The following ADGRL2 variants were observed in gnomAD, a reference collection of about 807,000 sequenced individuals.
ADGRL2 encodes adhesion G protein-coupled receptor L2.
ADGRL2 carries 44 observed loss-of-function variants against 157.4 expected under a neutral mutation model. That is an observed-to-expected ratio of 0.28 (90% CI 0.22 to 0.36). The LOEUF is 0.36. Ranked by LOEUF, ADGRL2 falls within the 10% of genes least tolerant of loss-of-function variation. The pLI is 1.00. For missense variants in ADGRL2, 1,510 were observed against 1,768.9 expected (o/e 0.85, Z 2.63); for synonymous variants, 585 against 624.7 (o/e 0.94, Z 0.95).
At chr1:81,772,655 G>T (rs2086422510) in intron 2 of ADGRL2, among the ~76,000 whole-genome samples, 2 of 152,072 alleles carry the variant, frequency 1.3e-5, no homozygotes, top group Admixed American at 1.3e-4. Context: ...CTTGAACCCG[G>T]GAGGCAGAGG....
intron 1 of ADGRL2, among the ~76,000 whole-genome samples, chr1:81,741,870 C>A (rs929388418): frequency 1.3e-5 from 2 of 151,704 alleles, no homozygotes; most frequent in Non-Finnish European, 2.9e-5. Flanking sequence ...ATTGAACACA[C>A]AAAAGGAAAC....
intron 2 of ADGRL2, among the ~76,000 whole-genome samples, chr1:81,457,757 T>G (rs1000436450): frequency 6.6e-6 from 1 of 152,218 alleles, no homozygotes; most frequent in Admixed American, 6.5e-5. Flanking sequence ...TTTTCAGGAT[T>G]TCTTCTTCTG....
intron 2 of ADGRL2, among the ~76,000 whole-genome samples, chr1:81,494,350 C>T (rs1212965624): frequency 6.6e-6 from 1 of 152,146 alleles, no homozygotes; most frequent in Non-Finnish European, 1.5e-5. Flanking sequence ...GAGGCTCAGT[C>T]CCTTATCCTT....
At chr1:81,563,310 C>T (rs1021372510) in intron 2 of ADGRL2, among the ~76,000 whole-genome samples, 4 of 152,088 alleles carry the variant, frequency 2.6e-5, no homozygotes, top group Non-Finnish European at 5.9e-5. Context: ...TTTTATTGCT[C>T]TTCCTTGACA....
intron 3 of ADGRL2, among the ~76,000 whole-genome samples, chr1:81,679,148 A>C (rs2083056185): frequency 6.6e-6 from 1 of 152,148 alleles, no homozygotes; most frequent in Non-Finnish European, 1.5e-5. Context: ...AGAGAGTAGG[A>C]AAACTAACAG....
chr1:81,970,619 T>C lies in ADGRL2; in HGVS notation c.2954+85T>C. ...GCTGTCAGTGAGGGTCCCTGACAGA[T>C]TAAAATAGCATCTGAAAGCTTTATT... On this transcript the variant is annotated intron_variant, in intron 16 of 23. Coordinates refer to ENST00000686636, the MANE Select transcript of ADGRL2 (RefSeq NM_001366006.2). 3.2e-6 allele frequency: 3 copies of C among 944,194 alleles called. No individual in the cohort carries two copies. In the South Asian group the frequency reaches 4.5e-5, roughly 14 times the overall value. 58.5% of individuals were successfully genotyped at this position (944,194 alleles called of 1,614,324 possible).
At chr1:81,469,706 A>G (rs186146405) in intron 2 of ADGRL2, among the ~76,000 whole-genome samples, 2 of 152,244 alleles carry the variant, frequency 1.3e-5, no homozygotes, top group Admixed American at 6.5e-5. Flanking sequence ...GTGATTTTTT[A>G]TCTCATTATA....
chr1:81,656,092 A>T (rs1461873813), intron 3 of ADGRL2, among the ~76,000 whole-genome samples: 4 of 152,130 alleles, frequency 2.6e-5, no homozygotes, highest in Non-Finnish European at 5.9e-5. Flanking sequence ...ATGATATACT[A>T]TTGTCTTCTA....
At chr1:81,381,688 T>A (rs1444137966) in intron 1 of ADGRL2, among the ~76,000 whole-genome samples, 2 of 152,238 alleles carry the variant, frequency 1.3e-5, no homozygotes, top group Non-Finnish European at 2.9e-5. Flanking sequence ...GTTATTTATG[T>A]TCTTCTAATA....
At chr1:81,820,306 A>T (rs1322746281) in intron 1 of ADGRL2, among the ~76,000 whole-genome samples, 1 of 152,170 alleles carries the variant, frequency 6.6e-6, no homozygotes, top group Non-Finnish European at 1.5e-5. Flanking sequence ...GAATGATAAG[A>T]GTTACAATTA....
chr1:81,414,365 A>T (rs545770640), intron 1 of ADGRL2: 70 of 152,284 alleles, frequency 4.6e-4, no homozygotes, highest in African/African-American at 1.7e-3. Flanking sequence ...ATAAAAGTGA[A>T]TTTTTTCCAT....
At chr1:81,800,807 T>C (rs1265030242), upstream of ADGRL2, among the ~76,000 whole-genome samples, 20 of 137,286 alleles carry the variant, frequency 1.5e-4, no homozygotes, top group East Asian at 4.0e-3. Context: ...GTTGAATGGG[T>C]GTGTTAATGG....
Position 81,709,084 on chromosome 1 carries a change from C to T in ADGRL2, c.-143+9276C>T, listed in dbSNP as rs1032041613. Among the ~76,000 whole-genome samples the T allele has an allele frequency of 5.3e-5, 8 of 152,184 alleles. No homozygotes were observed. In the East Asian group the frequency reaches 1.5e-3, roughly 29 times the overall value. On this transcript the variant is annotated intron_variant, in intron 1 of 20. Coordinates refer to the ADGRL2 transcript ENST00000359929. ...GATGCTGTCAATGGTAAGATGTACC[C>T]TTATTTTATATTCTAAAAAGAAAAA...
In ADGRL2 at chr1:81,355,631, G is replaced by T. The variant is rs149856491; in HGVS notation, c.-302+49122G>T. ...ACAACGCCTGTTGCCATTTGGAAAA[G>T]AAAGCATTACAGCACAAGAAGTGTA... is the stretch of plus-strand genomic sequence containing the variant. On this transcript the variant is annotated intron_variant, in intron 1 of 24. Coordinates refer to the ADGRL2 transcript ENST00000370721. Among the ~76,000 whole-genome samples, 164 of 152,244 alleles carry T rather than the reference G, an allele frequency of 1.1e-3. No homozygotes were observed. In the East Asian group the frequency reaches 0.029, roughly 27 times the overall value.
At chr1:81,442,539 C>G (rs1390323614) in intron 1 of ADGRL2, among the ~76,000 whole-genome samples, 3 of 152,146 alleles carry the variant, frequency 2.0e-5, no homozygotes, top group Non-Finnish European at 4.4e-5. Context: ...TGTAAATGTA[C>G]TTAATTAACC....
intron 1 of ADGRL2, among the ~76,000 whole-genome samples, chr1:81,440,414 A>G (rs1570973748): frequency 6.6e-6 from 1 of 152,184 alleles, no homozygotes. Flanking sequence ...AAGGTTGGAC[A>G]TTATTCCTAC....
At chr1:81,503,214 A>T in intron 2 of ADGRL2, 1 of 1,614,146 alleles carries the variant, frequency 6.2e-7, no homozygotes. Flanking sequence ...GGGAAGACAG[A>T]GCAGAGGCCT....
chr1:81,912,365 C>T (rs1447352593), intron 3 of ADGRL2, among the ~76,000 whole-genome samples: 1 of 152,124 alleles, frequency 6.6e-6, no homozygotes, highest in African/African-American at 2.4e-5. Context: ...AGCCACTGCA[C>T]CCAGCCTATG....
At chr1:81,784,012 C>T (rs144367642) in intron 2 of ADGRL2, among the ~76,000 whole-genome samples, 2 of 152,180 alleles carry the variant, frequency 1.3e-5, no homozygotes, top group East Asian at 3.9e-4. Flanking sequence ...TAAAGTTGAG[C>T]TTCCATAACA....
Sources: gnomAD v4.1 joint callset for allele counts (sites outside exome capture counted in the v4.1 genomes callset) on GRCh38, gnomAD v4.1.1 for gene constraint, MANE v1.5 for transcripts, NCBI Gene and HGNC (gene_info 2026-07-23, HGNC 2026-07-21) for gene names.